CARNS1: variants seen among roughly 807,000 people sequenced by gnomAD.
CARNS1 encodes carnosine synthase 1.
A neutral mutation model predicts 74.0 loss-of-function variants in CARNS1; 61 were observed. The observed-to-expected ratio is 0.82, with a 90% CI of 0.67 to 1.02. CARNS1 has a LOEUF of 1.02. CARNS1 is among the 50% of genes least tolerant of loss of function. The pLI, the probability that CARNS1 is intolerant of heterozygous loss-of-function variation, is 0.00. For missense variants in CARNS1, 1,278 were observed against 1,308.4 expected (o/e 0.98, Z 0.36); for synonymous variants, 568 against 605.5 (o/e 0.94, Z 0.91).
At chr11:67,422,638 C>T (rs1328091335) in intron 9 of CARNS1, among the ~76,000 whole-genome samples, 1 of 152,184 alleles carries the variant, frequency 6.6e-6, no homozygotes, top group African/African-American at 2.4e-5. Context: ...ATTAGACATT[C>T]TTATCCCCAT....
chr11:67,417,983 G>A (rs1326241158), intron 3 of CARNS1, among the ~76,000 whole-genome samples: 1 of 152,198 alleles, frequency 6.6e-6, no homozygotes, highest in African/African-American at 2.4e-5. Context: ...GAGCTGTGGT[G>A]GAGGCAGCTC....
Position 67,424,225 on chromosome 11 carries a change from T to G in CARNS1, c.2477T>G (p.Ile826Ser). Residue 826 changes from isoleucine to serine, a missense_variant, in exon 10 of 10, where the codon ATC (isoleucine) becomes AGC (serine). Ile to Ser is a moderately radical substitution (Grantham distance 142). Transcript: ENST00000687366. ...GGTGGCTTCTACCTGCGTGATTGGA[T>G]CCTGGAGCTCTATGGTGTTGACCTG... ...RMGGFYLRDW[I>S]LELYGVDLLL... 1.9e-6 allele frequency: 3 copies of G among 1,613,728 alleles called. No homozygotes were observed. The highest frequency in any genetic ancestry group is 2.5e-6 in the Non-Finnish European group (3 of 1,179,876).
At position 67,423,416 on chromosome 11, in the gene CARNS1, G is replaced by A. The variant is rs756469259; in HGVS notation, c.1668G>A (p.Gln556=). The A allele has an allele frequency of 6.2e-7, 1 of 1,612,806 alleles. No individual in the cohort carries two copies. Among genetic ancestry groups the A allele is most frequent in the Admixed American group, 1.7e-5 (1 of 59,994 alleles). Residue 556 remains glutamine (Q), a synonymous_variant, in exon 10 of 10, where the codon CAG becomes CAA. Transcript: ENST00000687366. This position sits in a 1 kb window ranked among gnomAD's most constrained non-coding sequence, Gnocchi z 5.1. ...CAGACCCCAACCACTTTGCATCCCA[G>A]TTGGTACAGACCTTCATCCACTTTG... is the stretch of plus-strand genomic sequence containing the variant. The part of the protein sequence containing the change: ...VESDPNHFAS[Q]LVQTFIHFDM...
At chr11:67,419,908 C>A in intron 7 of CARNS1, 70 bp downstream of exon 7, 1 of 1,478,946 alleles carries the variant, frequency 6.8e-7, no homozygotes, top group Non-Finnish European at 9.2e-7. Flanking sequence ...TAGTGGTTTG[C>A]CAAGGGCCCC....
chr11:67,418,804 C>A lies in CARNS1; in HGVS notation c.413C>A (p.Ala138Glu). Residue 138 changes from alanine (A) to glutamate (E), a missense_variant, in exon 5 of 10, where the codon GCA becomes GAA. Ala to Glu is a moderately radical substitution (Grantham distance 107). Around this residue, in one of 3 missense-constraint regions of CARNS1, gnomAD observed 1,164 missense variants for 1,156.5 expected, o/e 1.01. Transcript: ENST00000687366. ...LSPAWLMKVP[A>E]PGQPGEAALL... is the part of the protein sequence containing the mutation. The stretch of plus-strand genomic sequence containing the variant: ...CCTGCTTGGCTGATGAAGGTGCCAG[C>A]ACCCGGGCAGCCGGGTGAGGCAGCC... 6.2e-7 allele frequency: 1 copy of A among 1,600,498 alleles called. No homozygotes were observed. Among genetic ancestry groups the A allele is most frequent in the Non-Finnish European group, 8.5e-7 (1 of 1,174,274 alleles).
At chr11:67,422,243 G>A (rs1863729779) in intron 9 of CARNS1, among the ~76,000 whole-genome samples, 1 of 140,502 alleles carries the variant, frequency 7.1e-6, no homozygotes, top group South Asian at 2.2e-4. Flanking sequence ...GAGTGGAATG[G>A]CGCAATCTCG....
chr11:67,416,998 T>G, intron 2 of CARNS1: 1 of 997,426 alleles, frequency 1.0e-6, no homozygotes. Flanking sequence ...GGTTCGTTCA[T>G]TCATCTACTC....
intron 2 of CARNS1, 102 bp from the exon 3 acceptor site, chr11:67,417,305 G>A (rs1863566869): frequency 2.4e-6 from 3 of 1,262,016 alleles, no homozygotes; most frequent in South Asian, 5.9e-5. Context: ...TGTCAGCCCT[G>A]AACATAGCCC....
rs535216231 is a variant in CARNS1 at position 67,424,216 on chromosome 11, G to A, written c.2468G>A (p.Arg823His). The change falls in exon 10 of 10, where the codon CGT becomes CAT. Residue 823 changes from arginine (R) to histidine (H), a missense_variant. By Grantham distance (29) the Arg-to-His change is conservative. Around this residue, in one of 3 missense-constraint regions of CARNS1, gnomAD observed 1,164 missense variants for 1,156.5 expected, o/e 1.01. Transcript: ENST00000687366. ...CCCCGCATGGGTGGCTTCTACCTGC[G>A]TGATTGGATCCTGGAGCTCTATGGT... is the stretch of plus-strand genomic sequence containing the variant. ...INPRMGGFYLRDWILELYGVD... is the reference protein window; with the variant it reads ...INPRMGGFYLHDWILELYGVD... The A allele has an allele frequency of 5.5e-5, 88 of 1,613,804 alleles. 2 individuals are homozygous for A. Among genetic ancestry groups the A allele is most frequent in the South Asian group, 4.9e-4 (45 of 91,090 alleles).
Position 67,417,538 on chromosome 11 carries a change from C to A in CARNS1, c.135C>A (p.Asp45Glu). The change falls in exon 3 of 10, where the codon GAC (aspartate) becomes GAA (glutamate). Residue 45 changes from aspartate to glutamate, a missense_variant. Physicochemically the swap from Asp to Glu is conservative, Grantham distance 45. Coordinates refer to ENST00000687366, the MANE Select transcript of CARNS1 (RefSeq NM_001166222.2). ...TGCFPGSWRQ[D>E]VGLDCKGSPE... ...GCTTCCCTGGCTCCTGGCGCCAGGACGTGGGCCTGGACTGCAAGGGATCCC... is the reference window on the plus strand; with the variant it reads ...GCTTCCCTGGCTCCTGGCGCCAGGAAGTGGGCCTGGACTGCAAGGGATCCC... 1.4e-6 allele frequency: 2 copies of A among 1,418,378 alleles called. No homozygotes were observed. Among genetic ancestry groups the A allele is most frequent in the East Asian group, 2.9e-5 (1 of 34,836 alleles). 87.9% of individuals were successfully genotyped at this position (1,418,378 alleles called of 1,614,324 possible). A position where few individuals can be genotyped will look rare whatever the true frequency, so the allele number is the denominator to read the frequency against.
chr11:67,420,041 A>T (rs527865429), intron 7 of CARNS1, among the ~76,000 whole-genome samples: 33 of 152,200 alleles, frequency 2.2e-4, no homozygotes, highest in Non-Finnish European at 4.4e-5. Flanking sequence ...CCACACCAAG[A>T]GCCCCTGCCC....
At chr11:67,420,916 C>T (rs1377268481) in intron 8 of CARNS1, 23 bp from the exon 9 acceptor site, 1 of 1,363,332 alleles carries the variant, frequency 7.3e-7, no homozygotes, top group Admixed American at 3.5e-5. Flanking sequence ...CGTAGCTGAG[C>T]TCGCGCCTCC....
intron 9 of CARNS1, among the ~76,000 whole-genome samples, chr11:67,421,972 C>T (rs1020831580): frequency 1.3e-5 from 2 of 151,750 alleles, no homozygotes; most frequent in African/African-American, 4.8e-5. Context: ...ACTGCAACCT[C>T]CCGGGTTCAC....
At position 67,421,197 on chromosome 11, in the gene CARNS1, C is replaced by A. The variant is rs1402352908; in HGVS notation, c.1604C>A (p.Ala535Glu). 1 of 1,491,058 alleles carries A rather than the reference C, an allele frequency of 6.7e-7. No individual in the cohort carries two copies. Among genetic ancestry groups the A allele is most frequent in the Non-Finnish European group, 8.9e-7 (1 of 1,126,670 alleles). The allele number at this position is 1,491,058 out of a possible 1,614,324, so 92.4% of individuals were successfully genotyped here. The change falls in exon 9 of 10, where the codon GCG becomes GAG. Residue 535 changes from alanine (A) to glutamate (E), a missense_variant. This residue lies in a region of CARNS1 where 1,164 missense variants were observed against 1,156.5 expected (regional missense o/e 1.01). Coordinates refer to ENST00000687366, the MANE Select transcript of CARNS1 (RefSeq NM_001166222.2). The stretch of plus-strand genomic sequence containing the variant: ...GTCAGCAAGAAGTTCGTGTGGGAGG[C>A]GGCGCGCGACTACGGGCTCCAGGTG... ...GGVSKKFVWE[A>E]ARDYGLQLHL...
Position 67,424,595 on chromosome 11 carries a change from CAAAT to C in CARNS1, c.2849_2852del (p.Lys950SerfsTer44), listed in dbSNP as rs1439078506. ...CTGTTGCCCACTTCCTGTCTCACTT[CAAAT>C]AGCACTGGGGTCAGGGGGCAGGGAA... On this transcript the variant is annotated frameshift_variant and stop_lost, in exon 10 of 10. Transcript: ENST00000687366. LOFTEE classifies it high-confidence loss of function. 2 of 1,604,486 alleles carry C rather than the reference CAAAT, an allele frequency of 1.2e-6. No individual in the cohort carries two copies. The highest frequency in any genetic ancestry group is 2.7e-5 in the African/African-American group (2 of 74,764).
Position 67,419,849 on chromosome 11 carries a change from C to CCCAGG in CARNS1, c.1113+14_1113+18dup, listed in dbSNP as rs771627265. The CCCAGG allele has an allele frequency of 6.4e-7, 1 of 1,564,272 alleles. No individual in the cohort carries two copies. The highest frequency in any genetic ancestry group is 1.2e-5 in the South Asian group (1 of 85,132). On this transcript the variant is annotated intron_variant, in intron 7 of 9. Transcript: ENST00000687366. ...CCACTGCTGAGCAAGGTGAGCGTGG[C>CCCAGG]CCAGGCCCAGGCTGTGACCCTGCCT... is the stretch of plus-strand genomic sequence containing the variant.
rs59798232 is a variant in CARNS1, at chr11:67,424,861, CCACACACACACA to C, written c.*280_*291del. On this transcript the variant is annotated 3_prime_UTR_variant, in exon 10 of 10. Coordinates refer to ENST00000687366, the MANE Select transcript of CARNS1 (RefSeq NM_001166222.2). ...TCTAGCCTTGGAGAAATGACAATGG[CCACACACACACA>C]CACACACACACACACACACCTCTGA... The C allele has an allele frequency of 2.1e-3, 1,090 of 508,974 alleles. 10 individuals carry two copies. In the East Asian group the frequency reaches 0.044, roughly 20 times the overall value. The allele number at this position is 508,974 out of a possible 1,614,324, so 31.5% of individuals were successfully genotyped here.
At chr11:67,417,326 A>G in intron 2 of CARNS1, 81 bp from the exon 3 acceptor site, 3 of 1,268,478 alleles carry the variant, frequency 2.4e-6, no homozygotes, top group Non-Finnish European at 3.0e-6. Context: ...AGGCTGGGAG[A>G]GTGGGGGGCT....
In CARNS1 at chr11:67,423,162, C is replaced by G. The variant is rs1223022954; in HGVS notation, c.1627-213C>G. ...TCTTCAGCTCCCAGCTTAGGCATTGCCTCCTCTAGGATGCCTTCCCTCCCC... is the reference window on the plus strand; with the variant it reads ...TCTTCAGCTCCCAGCTTAGGCATTGGCTCCTCTAGGATGCCTTCCCTCCCC... On this transcript the variant is annotated intron_variant, in intron 9 of 9. Transcript: ENST00000687366. The surrounding 1 kb of genome is among the most constrained non-coding windows in gnomAD (Gnocchi z 5.1). Among the ~76,000 whole-genome samples the G allele has an allele frequency of 6.6e-6, 1 of 152,188 alleles. No homozygotes were observed. The highest frequency in any genetic ancestry group is 1.5e-5 in the Non-Finnish European group (1 of 68,020).
Sources: gnomAD v4.1 joint callset for allele counts (sites outside exome capture counted in the v4.1 genomes callset) on GRCh38, gnomAD v4.1.1 for gene constraint, gnomAD v4.1.1 regional missense constraint, Gnocchi (gnomAD v3.1) non-coding constraint, MANE v1.5 for transcripts, NCBI Gene and HGNC (gene_info 2026-07-23, HGNC 2026-07-21) for gene names.